Variants in ALDH1L2 observed in about 807,000 individuals in gnomAD.
ALDH1L2 encodes the protein mitochondrial 10-formyltetrahydrofolate dehydrogenase.
Under a neutral mutation model 111.0 loss-of-function variants are expected in ALDH1L2, and 91 were observed. The observed-to-expected ratio is 0.82, with a 90% CI of 0.69 to 0.98. The LOEUF is 0.98. ALDH1L2 is among the 50% of genes least tolerant of loss of function. The probability of loss-of-function intolerance (pLI) is 0.00; values close to 1 mark genes in which losing one functional copy is unlikely to be tolerated. For missense variants in ALDH1L2, 995 were observed against 1,126.8 expected (o/e 0.88, Z 1.67); for synonymous variants, 374 against 392.6 (o/e 0.95, Z 0.56).
At chr12:105,029,152 G>A (rs575454984) in intron 21 of ALDH1L2, among the ~76,000 whole-genome samples, 113 of 151,620 alleles carry the variant, frequency 7.5e-4, no homozygotes, top group African/African-American at 2.6e-3. Context: ...CTTAGCCTCC[G>A]AAGTAGCTGG....
chr12:105,046,616 A>AT, intron 15 of ALDH1L2, 94 bp downstream of exon 15: 1 of 1,142,992 alleles, frequency 8.7e-7, no homozygotes, highest in Non-Finnish European at 1.2e-6. Context: ...ATACCATCTC[A>AT]TTTTTGTTTG....
At chr12:105,042,951 T>C (rs1045079740) in intron 15 of ALDH1L2, among the ~76,000 whole-genome samples, 1 of 152,208 alleles carries the variant, frequency 6.6e-6, no homozygotes, top group Non-Finnish European at 1.5e-5. Context: ...GCTTGGACTC[T>C]AAAAATGGGG....
At chr12:105,078,984 A>G (rs1250735927) in intron 1 of ALDH1L2, among the ~76,000 whole-genome samples, 1 of 152,234 alleles carries the variant, frequency 6.6e-6, no homozygotes, top group African/African-American at 2.4e-5. Context: ...TTTGTGTCAA[A>G]TAATTGGGAC....
At chr12:105,076,046 A>G (rs55778912) in intron 1 of ALDH1L2, among the ~76,000 whole-genome samples, 244 of 152,328 alleles carry the variant, frequency 1.6e-3, no homozygotes, top group Middle Eastern at 3.4e-3. Flanking sequence ...TTGGCCTCCC[A>G]AAGTGCCAGG....
At position 105,066,612 on chromosome 12, in the gene ALDH1L2, C is replaced by G. The variant is rs922659226; in HGVS notation, c.652G>C (p.Glu218Gln). The change falls in exon 5 of 23, where the codon GAA becomes CAA. Residue 218 changes from glutamate to glutamine, a missense_variant. Coordinates refer to ENST00000258494, the MANE Select transcript of ALDH1L2 (RefSeq NM_001034173.4). ...GKAPRIPQPE[E>Q]GATYEGIQKK... The stretch of plus-strand genomic sequence containing the variant: ...TGGATACCTTCATATGTTGCCCCTT[C>G]TTCTGGCTGGGGTATACGAGGAGCT... The G allele has an allele frequency of 6.8e-6, 11 of 1,614,054 alleles. No individual in the cohort carries two copies. The highest frequency in any genetic ancestry group is 8.5e-6 in the Non-Finnish European group (10 of 1,180,040).
intron 18 of ALDH1L2, among the ~76,000 whole-genome samples, chr12:105,036,365 T>G (rs1875081956): frequency 1.5e-5 from 1 of 67,452 alleles, no homozygotes; most frequent in Non-Finnish European, 2.3e-5. Flanking sequence ...TGTATATATA[T>G]TATATATATA....
chr12:105,083,257 C>T, intron 1 of ALDH1L2, among the ~76,000 whole-genome samples: 1 of 152,194 alleles, frequency 6.6e-6, no homozygotes, highest in East Asian at 1.9e-4. Context: ...TCCCATGTGC[C>T]ACGTGGTGGG....
chr12:105,024,371 G>A lies in ALDH1L2; in HGVS notation c.*53C>T, dbSNP rs1874308884. 1.3e-6 allele frequency: 2 copies of A among 1,597,276 alleles called. No individual in the cohort carries two copies. Among genetic ancestry groups the A allele is most frequent in the Non-Finnish European group, 1.7e-6 (2 of 1,165,834 alleles). On this transcript the variant is annotated 3_prime_UTR_variant, in exon 23 of 23. Transcript: ENST00000258494. ...CAACACACCCAATCTTCTTAAGTGT[G>A]TCCAGAGTTGTAAAGGGCTGTCTGT...
At chr12:105,042,109 G>A (rs1393392327) in intron 15 of ALDH1L2, among the ~76,000 whole-genome samples, 2 of 152,118 alleles carry the variant, frequency 1.3e-5, no homozygotes, top group East Asian at 3.8e-4. Context: ...ACATGTATGT[G>A]TGTATCTATC....
intron 13 of ALDH1L2, among the ~76,000 whole-genome samples, 161 bp from the exon 14 acceptor site, chr12:105,047,130 T>C (rs2136070649): frequency 6.6e-6 from 1 of 152,344 alleles, no homozygotes; most frequent in Non-Finnish European, 1.5e-5. Context: ...GGAACAGCTA[T>C]TTGTTTCTCA....
At chr12:105,070,197 A>G (rs886889574) in intron 3 of ALDH1L2, among the ~76,000 whole-genome samples, 22 of 152,212 alleles carry the variant, frequency 1.4e-4, no homozygotes, top group Admixed American at 3.3e-4. Context: ...CTCAATACCT[A>G]GTAACAGTCA....
chr12:105,045,770 G>A (rs1048842742), intron 15 of ALDH1L2, among the ~76,000 whole-genome samples: 1 of 148,402 alleles, frequency 6.7e-6, no homozygotes, highest in Non-Finnish European at 1.5e-5. Flanking sequence ...AAATGAAACT[G>A]TATTTTTTTA....
At chr12:105,064,754 A>C (rs1210706854) in intron 6 of ALDH1L2, among the ~76,000 whole-genome samples, 1 of 152,148 alleles carries the variant, frequency 6.6e-6, no homozygotes, top group African/African-American at 2.4e-5. Flanking sequence ...GGGCTGAGTC[A>C]ATTACCCATG....
At chr12:105,074,978 T>G (rs1877963691) in intron 1 of ALDH1L2, among the ~76,000 whole-genome samples, 1 of 152,258 alleles carries the variant, frequency 6.6e-6, no homozygotes, top group Non-Finnish European at 1.5e-5. Context: ...CAAATTCACC[T>G]GCAGATAATG....
chr12:105,039,987 G>C (rs1592772883), intron 16 of ALDH1L2, among the ~76,000 whole-genome samples, 181 bp from the exon 17 acceptor site: 2 of 152,062 alleles, frequency 1.3e-5, no homozygotes, highest in African/African-American at 4.8e-5. Flanking sequence ...AAATTAGCCA[G>C]GCATGGTGGC....
chr12:105,051,781 C>T (rs11611857), intron 12 of ALDH1L2, among the ~76,000 whole-genome samples: 58,071 of 140,696 alleles, frequency 0.41, 12,069 homozygotes, highest in Middle Eastern at 0.62. Context: ...TGTTTTGCTT[C>T]TTTTTTTTCC....
At chr12:105,031,638 G>GCA (rs1874702715) in intron 20 of ALDH1L2, 131 bp downstream of exon 20, 1 of 1,320,028 alleles carries the variant, frequency 7.6e-7, no homozygotes, top group Non-Finnish European at 1.0e-6. Context: ...GCAGGTGCGT[G>GCA]CCACCACACT....
At position 105,020,891 on chromosome 12, in the gene ALDH1L2, T is replaced by C. The variant is rs1189729336; in HGVS notation, c.*3533A>G. The C allele has an allele frequency of 6.6e-6, 1 of 152,184 alleles. No homozygotes were observed. Among genetic ancestry groups the C allele is most frequent in the African/African-American group, 2.4e-5 (1 of 41,434 alleles). 9.4% of individuals were successfully genotyped at this position (152,184 alleles called of 1,614,324 possible). ...TGAAGGCAAATTAGTGGCTCAAAAA[T>C]AGCCTTGATGAGAGTATTTACACAT... On this transcript the variant is annotated 3_prime_UTR_variant, in exon 23 of 23. Coordinates refer to ENST00000258494, the MANE Select transcript of ALDH1L2 (RefSeq NM_001034173.4).
At chr12:105,050,489 T>G (rs550237718) in intron 12 of ALDH1L2, 1 of 206,328 alleles carries the variant, frequency 4.8e-6, no homozygotes, top group East Asian at 1.5e-4. Context: ...CAGATTTCTG[T>G]TTGGTGTTCA....
Sources: gnomAD v4.1 joint callset for allele counts (sites outside exome capture counted in the v4.1 genomes callset) on GRCh38, gnomAD v4.1.1 for gene constraint, MANE v1.5 for transcripts, NCBI Gene and HGNC (gene_info 2026-07-23, HGNC 2026-07-21) for gene names.